The following MTMR3 variants were observed in gnomAD, a reference collection of about 807,000 sequenced individuals.
The protein encoded by MTMR3 is myotubularin related protein 3, also known as phosphatidylinositol-3,5-bisphosphate 3-phosphatase MTMR3.
Under a neutral mutation model 132.4 loss-of-function variants are expected in MTMR3, and 32 were observed. The observed-to-expected ratio is 0.24, with a 90% confidence interval of 0.18 to 0.32. MTMR3 has a LOEUF of 0.32. Among genes scored for constraint, MTMR3 ranks in the 10% least tolerant of loss-of-function variants. The pLI is 1.00. For synonymous variants in MTMR3, 556 were observed against 550.3 expected, an observed-to-expected ratio of 1.01 and a Z score of -0.14; for missense variants, 1,216 against 1,489.6, an observed-to-expected ratio of 0.82 and a Z score of 3.02.
At chr22:30,021,047 G>A (rs1788923870) in intron 17 of MTMR3, 163 bp downstream of exon 17, 1 of 700,036 alleles carries the variant, frequency 1.4e-6, no homozygotes, top group African/African-American at 1.8e-5. Context: ...CTCCACGACA[G>A]CGATGGCAGC....
At chr22:30,002,295 C>T (rs766476588) in intron 8 of MTMR3, 1 of 152,366 alleles carries the variant, frequency 6.6e-6, no homozygotes, top group African/African-American at 2.4e-5. Context: ...TGCAGATAGA[C>T]TGGCTTGTGT....
intron 14 of MTMR3, chr22:30,015,891 A>G (rs1350961638): frequency 1.3e-5 from 2 of 152,472 alleles, no homozygotes; most frequent in Admixed American, 1.3e-4. Context: ...CCTCAAAGCC[A>G]TTGCACCTGT....
At chr22:29,973,995 A>G (rs2066585366) in intron 3 of MTMR3, among the ~76,000 whole-genome samples, 1 of 152,220 alleles carries the variant, frequency 6.6e-6, no homozygotes, top group Non-Finnish European at 1.5e-5. Context: ...AATAGCAGAA[A>G]CTAGCCTGGA....
intron 1 of MTMR3, among the ~76,000 whole-genome samples, chr22:29,925,941 G>T (rs969604825): frequency 1.3e-5 from 2 of 151,974 alleles, no homozygotes; most frequent in South Asian, 4.1e-4. Context: ...TAAAAATAAA[G>T]TATACAATGT....
intron 2 of MTMR3, among the ~76,000 whole-genome samples, chr22:29,970,366 C>G (rs1185795204): frequency 6.6e-6 from 1 of 152,088 alleles, no homozygotes; most frequent in East Asian, 1.9e-4. Context: ...CAGAGTCTTG[C>G]TCTGTTGCCC....
intron 10 of MTMR3, 79 bp from the exon 11 acceptor site, chr22:30,007,822 A>G: frequency 6.6e-7 from 1 of 1,514,832 alleles, no homozygotes; most frequent in Non-Finnish European, 9.0e-7. Context: ...GTGCCATAAG[A>G]TGTGCTTGTG....
At chr22:29,971,110 T>C (rs1177198422) in intron 3 of MTMR3, 48 bp downstream of exon 3, 1 of 1,564,228 alleles carries the variant, frequency 6.4e-7, no homozygotes, top group Non-Finnish European at 8.6e-7. Flanking sequence ...AAACCCTGTG[T>C]CCTGACAATT....
intron 2 of MTMR3, among the ~76,000 whole-genome samples, chr22:29,967,086 CTA>C (rs2066435608): frequency 6.6e-6 from 1 of 151,954 alleles, no homozygotes; most frequent in Non-Finnish European, 1.5e-5. Context: ...GGACCACAGT[CTA>C]GGGGCTTAGA....
chr22:29,904,914 G>T (rs1033522840), intron 1 of MTMR3, among the ~76,000 whole-genome samples: 14 of 152,000 alleles, frequency 9.2e-5, no homozygotes, highest in Non-Finnish European at 1.9e-4. Context: ...TTTAGGACAG[G>T]GTTGAGTAGG....
chr22:30,002,011 G>A (rs1280485690), intron 8 of MTMR3: 1 of 152,200 alleles, frequency 6.6e-6, no homozygotes, highest in Non-Finnish European at 1.5e-5. Flanking sequence ...TGGAGTTTGT[G>A]TGTTTTAGGA....
chr22:29,904,509 C>G (rs774974306), intron 1 of MTMR3, among the ~76,000 whole-genome samples: 1 of 152,206 alleles, frequency 6.6e-6, no homozygotes, highest in Non-Finnish European at 1.5e-5. Context: ...TCTTTAACTT[C>G]TCTGAGTCTC....
intron 2 of MTMR3, among the ~76,000 whole-genome samples, chr22:29,969,447 T>C (rs1028223446): frequency 6.6e-6 from 1 of 152,172 alleles, no homozygotes; most frequent in Non-Finnish European, 1.5e-5. Flanking sequence ...TTAATGACGC[T>C]TTCTAATTGG....
intron 5 of MTMR3, 122 bp downstream of exon 5, chr22:29,979,174 T>C: frequency 1.4e-6 from 1 of 701,510 alleles, no homozygotes; most frequent in Non-Finnish European, 2.5e-6. Context: ...GTGCTCTGCT[T>C]TTCTCACTTA....
In MTMR3 at chr22:29,906,261, T is replaced by C. The variant is rs866983410; in HGVS notation, c.-138+22902T>C. Among the ~76,000 whole-genome samples, 135 of 82,848 alleles carry C rather than the reference T, an allele frequency of 1.6e-3. No individual in the cohort carries two copies. In the East Asian group the frequency reaches 0.021, roughly 13 times the overall value. The allele number at this position is 82,848 out of a possible 152,430, so 54.4% of individuals were successfully genotyped here. A position where few individuals can be genotyped will look rare whatever the true frequency, so the allele number is the denominator to read the frequency against. On this transcript the variant is annotated intron_variant, in intron 1 of 19. Coordinates refer to ENST00000401950, the MANE Select transcript of MTMR3 (RefSeq NM_021090.4). ...CCATCCATCCGTCTGTCTGTCTGTC[T>C]GTCTGTCTGTCTGTCTGTCTGTCTG... is the stretch of plus-strand genomic sequence containing the variant.
intron 1 of MTMR3, among the ~76,000 whole-genome samples, chr22:29,933,975 A>C (rs1235554614): frequency 6.6e-6 from 1 of 152,160 alleles, no homozygotes; most frequent in African/African-American, 2.4e-5. Flanking sequence ...CTATGATAGT[A>C]CATGTTTTTA....
chr22:29,943,459 G>A (rs1014781727), intron 1 of MTMR3, among the ~76,000 whole-genome samples: 1 of 152,046 alleles, frequency 6.6e-6, no homozygotes, highest in African/African-American at 2.4e-5. Context: ...CAAAGTGCTG[G>A]GATTACAGGC....
intron 1 of MTMR3, among the ~76,000 whole-genome samples, chr22:29,913,008 C>T (rs1200189312): frequency 3.3e-5 from 5 of 152,054 alleles, no homozygotes; most frequent in East Asian, 3.9e-4. Flanking sequence ...TCTGGGAAGC[C>T]GAGGCGAGAG....
intron 7 of MTMR3, chr22:29,994,502 T>C (rs541884935): frequency 6.6e-6 from 1 of 152,206 alleles, no homozygotes; most frequent in East Asian, 1.9e-4. Context: ...TCATCAAATA[T>C]TAGCATACCA....
intron 7 of MTMR3, 102 bp downstream of exon 7, chr22:29,991,772 C>T (rs915743725): frequency 4.0e-6 from 5 of 1,258,162 alleles, no homozygotes; most frequent in African/African-American, 3.0e-5. Context: ...ATATATCAAT[C>T]AGTGTATATT....
Sources: gnomAD v4.1 joint callset for allele counts (sites outside exome capture counted in the v4.1 genomes callset) on GRCh38, gnomAD v4.1.1 for gene constraint, MANE v1.5 for transcripts, NCBI Gene and HGNC (gene_info 2026-07-23, HGNC 2026-07-21) for gene names.